The following LINC00237 variants were observed in gnomAD, a reference collection of about 807,000 sequenced individuals.
LINC00237 encodes long independently transcribed non-coding RNA 237.
chr20:21,098,172 G>A (rs2030884565), intron 1 of LINC00237, among the ~76,000 whole-genome samples: 1 of 152,190 alleles, frequency 6.6e-6, no homozygotes, highest in South Asian at 2.1e-4. Flanking sequence ...AATTAGCATG[G>A]TTCCCCAAAG....
intron 1 of LINC00237, among the ~76,000 whole-genome samples, chr20:21,094,302 G>A (rs1045153949): frequency 5.3e-5 from 8 of 152,070 alleles, no homozygotes; most frequent in African/African-American, 7.2e-5. Context: ...ACAGACACTC[G>A]TGTTGAGACT....
At chr20:21,089,181 A>G (rs1040097820) in intron 2 of LINC00237, among the ~76,000 whole-genome samples, 5 of 150,720 alleles carry the variant, frequency 3.3e-5, no homozygotes, top group Non-Finnish European at 5.9e-5. Context: ...TCATTGATGT[A>G]TCTAGTATCC....
chr20:21,099,192 T>C (rs761319167), intron 1 of LINC00237, among the ~76,000 whole-genome samples: 75 of 152,292 alleles, frequency 4.9e-4, no homozygotes, highest in Non-Finnish European at 7.5e-4. Context: ...GCGAGTGCAC[T>C]GGCTGAAGGT....
At chr20:21,090,591 T>C (rs1429163379) in intron 2 of LINC00237, 2 of 152,196 alleles carry the variant, frequency 1.3e-5, no homozygotes, top group Non-Finnish European at 2.9e-5. Context: ...TTGGACTTCA[T>C]TAGCATGCAG....
At chr20:21,104,945 C>T (rs192242534) in intron 1 of LINC00237, among the ~76,000 whole-genome samples, 3 of 152,340 alleles carry the variant, frequency 2.0e-5, no homozygotes, top group Admixed American at 2.0e-4. Flanking sequence ...CTTGGTGTTA[C>T]CTCCAAATAT....
rs2030924654 is a variant in LINC00237 at position 21,101,058 on chromosome 20, G to T, written n.88+5213C>A. On this transcript the variant is annotated intron_variant and non_coding_transcript_variant, in intron 1 of 3. Transcript: ENST00000691244. The surrounding 1 kb of genome is among the most constrained non-coding windows in gnomAD (Gnocchi z 4.3). ...TTATCCCGCGACAAACAGCCCCACC[G>T]AGAGCCGCTGAATGGGCGTGATTAG... Among the ~76,000 whole-genome samples the T allele has an allele frequency of 6.6e-6, 1 of 152,180 alleles. No homozygotes were observed. The highest frequency in any genetic ancestry group is 2.4e-5 in the African/African-American group (1 of 41,434).
intron 1 of LINC00237, among the ~76,000 whole-genome samples, chr20:21,098,030 A>G (rs971121183): frequency 9.2e-5 from 14 of 152,212 alleles, no homozygotes; most frequent in Non-Finnish European, 2.9e-5. Flanking sequence ...TGCCTTGAAA[A>G]ATAGTCAAAC....
At chr20:21,102,864 A>G (rs546710742) in intron 1 of LINC00237, among the ~76,000 whole-genome samples, 1 of 150,738 alleles carries the variant, frequency 6.6e-6, no homozygotes, top group South Asian at 2.1e-4. Flanking sequence ...TGTGCAGCGA[A>G]CCCCAGCTCG....
intron 1 of LINC00237, among the ~76,000 whole-genome samples, chr20:21,098,881 G>A (rs1244426431): frequency 6.6e-6 from 1 of 152,204 alleles, no homozygotes; most frequent in Non-Finnish European, 1.5e-5. Flanking sequence ...AGAGCATCCC[G>A]AGTCTCATTC....
chr20:21,102,777 A>C (rs2030949906), intron 1 of LINC00237, among the ~76,000 whole-genome samples: 1 of 152,008 alleles, frequency 6.6e-6, no homozygotes, highest in Non-Finnish European at 1.5e-5. Flanking sequence ...ACTCAGTTGA[A>C]CAGTGTCAAT....
At position 21,101,339 on chromosome 20, in the gene LINC00237, T is replaced by C. The variant is rs781667521; in HGVS notation, n.88+4932A>G. The C allele has an allele frequency of 1.1e-3, 162 of 151,772 alleles. No individual in the cohort carries two copies. Among genetic ancestry groups the C allele is most frequent in the Non-Finnish European group, 1.8e-3 (125 of 67,992 alleles). 9.4% of individuals were successfully genotyped at this position (151,772 alleles called of 1,614,324 possible). A position where few individuals can be genotyped will look rare whatever the true frequency, so the allele number is the denominator to read the frequency against. On this transcript the variant is annotated intron_variant and non_coding_transcript_variant, in intron 1 of 3. Transcript: ENST00000691244. The surrounding 1 kb of genome is among the most constrained non-coding windows in gnomAD (Gnocchi z 4.3). The stretch of plus-strand genomic sequence containing the variant: ...GAGGCAATCGGGGTGGGGGCAGAAA[T>C]AGGGGCTGACCCGCTAGCCCCCGCC...
chr20:21,086,765 T>C (rs1438297236), intron 3 of LINC00237, among the ~76,000 whole-genome samples: 1 of 121,698 alleles, frequency 8.2e-6, no homozygotes, highest in Non-Finnish European at 1.7e-5. Context: ...TATATACATA[T>C]ACTATACTAT....
chr20:21,096,482 G>A (rs1173271778), intron 1 of LINC00237, among the ~76,000 whole-genome samples: 1 of 152,182 alleles, frequency 6.6e-6, no homozygotes, highest in Non-Finnish European at 1.5e-5. Flanking sequence ...AGGGAGGCTG[G>A]GAAATGTAGT....
Position 21,085,693 on chromosome 20 carries a change from G to A in LINC00237, n.755C>T, listed in dbSNP as rs144242495. Among the ~76,000 whole-genome samples the A allele has an allele frequency of 1.7e-3, 257 of 152,264 alleles. 1 individual carries two copies. The highest frequency in any genetic ancestry group is 6.1e-3 in the African/African-American group (253 of 41,552). On this transcript the variant is annotated non_coding_transcript_exon_variant, in exon 4 of 4. Transcript: ENST00000691244. ...ATTGACTGAAGGGGACATTTGGGGGGCTTCTGTGATGCTGCTGATGTTTTT... is the reference window on the plus strand; with the variant it reads ...ATTGACTGAAGGGGACATTTGGGGGACTTCTGTGATGCTGCTGATGTTTTT...
At chr20:21,103,763 C>G (rs992543045) in intron 1 of LINC00237, among the ~76,000 whole-genome samples, 3 of 152,136 alleles carry the variant, frequency 2.0e-5, no homozygotes, top group Non-Finnish European at 4.4e-5. Flanking sequence ...AAGGTAGCAC[C>G]GCTGGCGTCC....
chr20:21,097,004 C>T (rs572655807), intron 1 of LINC00237, among the ~76,000 whole-genome samples: 2 of 152,320 alleles, frequency 1.3e-5, no homozygotes, highest in East Asian at 3.9e-4. Flanking sequence ...AAGGGCACCC[C>T]TATGTGACAC....
chr20:21,105,040 G>A (rs1020046184), intron 1 of LINC00237, among the ~76,000 whole-genome samples: 3 of 152,164 alleles, frequency 2.0e-5, no homozygotes, highest in African/African-American at 7.2e-5. Context: ...TAGGAGGAAG[G>A]TTCGGCCACT....
chr20:21,106,062 G>A (rs1292730898), intron 1 of LINC00237, among the ~76,000 whole-genome samples: 1 of 152,226 alleles, frequency 6.6e-6, no homozygotes, highest in Non-Finnish European at 1.5e-5. Context: ...CCGTGGCAGA[G>A]AAAAGAGGAA....
At chr20:21,087,463 G>C (rs1352789926) in intron 3 of LINC00237, 1 of 152,068 alleles carries the variant, frequency 6.6e-6, no homozygotes, top group East Asian at 1.9e-4. Flanking sequence ...TATCTACTTA[G>C]AGTGGCTTGA....
Sources: gnomAD v4.1 joint callset for allele counts (sites outside exome capture counted in the v4.1 genomes callset) on GRCh38, gnomAD v4.1.1 for gene constraint, Gnocchi (gnomAD v3.1) non-coding constraint, MANE v1.5 for transcripts, NCBI Gene and HGNC (gene_info 2026-07-23, HGNC 2026-07-21) for gene names.